Variants in CHRM3 observed in about 807,000 individuals in gnomAD.
The protein encoded by CHRM3 is cholinergic receptor muscarinic 3, also known as muscarinic acetylcholine receptor M3.
In CHRM3, 11 loss-of-function variants were observed where a neutral mutation model predicts 41.8. That is an observed-to-expected ratio of 0.26 (90% CI 0.17 to 0.44). The LOEUF (loss-of-function observed/expected upper bound fraction) is 0.44. Ranked by LOEUF, CHRM3 falls within the 20% of genes least tolerant of loss-of-function variation. CHRM3 has a pLI of 1.00. For missense variants in CHRM3, 571 were observed against 745.4 expected (o/e 0.77, Z 2.72); for synonymous variants, 297 against 301.4 (o/e 0.99, Z 0.15).
chr1:239,879,577 T>C (rs1388891026), intron 6 of CHRM3, among the ~76,000 whole-genome samples: 1 of 152,148 alleles, frequency 6.6e-6, no homozygotes, highest in Non-Finnish European at 1.5e-5. Context: ...AACATCAGGC[T>C]CCCGGGTGAA....
At chr1:239,490,144 A>T (rs1337745510) in intron 1 of CHRM3, among the ~76,000 whole-genome samples, 2 of 152,238 alleles carry the variant, frequency 1.3e-5, no homozygotes, top group African/African-American at 4.8e-5. Context: ...CAATAATGTT[A>T]GCTAAAAGTA....
chr1:239,448,593 A>G (rs1664320990), intron 1 of CHRM3, among the ~76,000 whole-genome samples: 1 of 152,186 alleles, frequency 6.6e-6, no homozygotes, highest in Non-Finnish European at 1.5e-5. Context: ...TTTATCTCAT[A>G]TGAGAAAAGG....
rs182693377 is a variant in CHRM3 at position 239,547,532 on chromosome 1, T to A, written c.-313+1783T>A. 9.2e-5 allele frequency among the ~76,000 whole-genome samples: 14 copies of A among 152,270 alleles called. No homozygotes were observed. In the South Asian group the frequency reaches 2.7e-3, roughly 29 times the overall value. On this transcript the variant is annotated intron_variant, in intron 3 of 6. Coordinates refer to ENST00000676153, the MANE Select transcript of CHRM3 (RefSeq NM_001375978.1). ...CAAAGTCATTTATTAATTGTGAAGT[T>A]TTCAAAAACCTCAGTTTCTGAGAAA...
chr1:239,512,496 T>C (rs1668989524), intron 2 of CHRM3, among the ~76,000 whole-genome samples: 1 of 152,200 alleles, frequency 6.6e-6, no homozygotes, highest in African/African-American at 2.4e-5. Flanking sequence ...ACTCTACCAC[T>C]GTTTGCCAAG....
intron 4 of CHRM3, among the ~76,000 whole-genome samples, chr1:239,674,709 CA>C (rs34078965): frequency 1.2e-3 from 111 of 92,766 alleles, no homozygotes; most frequent in Middle Eastern, 5.3e-3. Context: ...GACTCCATCT[CA>C]AAAAAAAAAA....
chr1:239,643,383 G>A (rs571025967), intron 4 of CHRM3, among the ~76,000 whole-genome samples: 1 of 152,322 alleles, frequency 6.6e-6, no homozygotes, highest in African/African-American at 2.4e-5. Flanking sequence ...GGAGCCTACA[G>A]AGGCAGGCAG....
intron 1 of CHRM3, among the ~76,000 whole-genome samples, chr1:239,443,743 A>G (rs559622885): frequency 6.6e-6 from 1 of 152,334 alleles, no homozygotes; most frequent in East Asian, 1.9e-4. Flanking sequence ...GAAAATCTTA[A>G]GAGAAATACT....
intron 2 of CHRM3, among the ~76,000 whole-genome samples, chr1:239,533,283 G>T (rs891643220): frequency 2.0e-5 from 3 of 152,104 alleles, no homozygotes; most frequent in African/African-American, 7.2e-5. Flanking sequence ...AGAAATACCC[G>T]AGAGTGGGTA....
At chr1:239,586,587 T>G (rs1298399828) in intron 3 of CHRM3, among the ~76,000 whole-genome samples, 1 of 152,230 alleles carries the variant, frequency 6.6e-6, no homozygotes, top group Non-Finnish European at 1.5e-5. Context: ...AATTTATTTT[T>G]AAAGTACTCA....
At position 239,670,771 on chromosome 1, in the gene CHRM3, AC is replaced by A. The variant is rs3063600; in HGVS notation, c.-249-7407del. ...TCGAACTCCCAACCTCAGGTGATCT[AC>A]CCCCCCCACCTCAGTTTCCCAAAGT... is the stretch of plus-strand genomic sequence containing the variant. On this transcript the variant is annotated intron_variant, in intron 4 of 6. Coordinates refer to ENST00000676153, the MANE Select transcript of CHRM3 (RefSeq NM_001375978.1). 2.2e-4 allele frequency among the ~76,000 whole-genome samples: 33 copies of A among 150,432 alleles called. 1 individual carries two copies. Among genetic ancestry groups the A allele is most frequent in the African/African-American group, 5.4e-4 (22 of 40,726 alleles).
rs541457880 is a variant in CHRM3, at chr1:239,618,610, C to A, written c.-312-13614C>A. 2.8e-3 allele frequency among the ~76,000 whole-genome samples: 422 copies of A among 151,640 alleles called. 4 individuals carry two copies. The highest frequency in any genetic ancestry group is 9.7e-3 in the African/African-American group (401 of 41,402). ...CTGTAATCCCAGCACTTTGGGAGGC[C>A]AAGGCGGTCGGATCACGAGGTCAGG... is the stretch of plus-strand genomic sequence containing the variant. On this transcript the variant is annotated intron_variant, in intron 3 of 6. Coordinates refer to ENST00000676153, the MANE Select transcript of CHRM3 (RefSeq NM_001375978.1).
chr1:239,452,484 G>A (rs1238424250), intron 1 of CHRM3, among the ~76,000 whole-genome samples: 1 of 152,118 alleles, frequency 6.6e-6, no homozygotes, highest in East Asian at 1.9e-4. Flanking sequence ...AATAACCATC[G>A]AGCAGGATTC....
At chr1:239,740,700 C>G (rs912219844) in intron 5 of CHRM3, among the ~76,000 whole-genome samples, 1 of 151,684 alleles carries the variant, frequency 6.6e-6, no homozygotes, top group African/African-American at 2.4e-5. Context: ...TTTATGTGGC[C>G]AATAAACATG....
intron 6 of CHRM3, among the ~76,000 whole-genome samples, chr1:239,880,787 G>A (rs545913311): frequency 8.7e-4 from 132 of 152,216 alleles, no homozygotes; most frequent in Middle Eastern, 6.8e-3. Context: ...GTGAGCCACC[G>A]TGCCCAGCCA....
intron 5 of CHRM3, among the ~76,000 whole-genome samples, chr1:239,693,417 C>G (rs1486470257): frequency 6.6e-6 from 1 of 152,012 alleles, no homozygotes; most frequent in African/African-American, 2.4e-5. Context: ...ATTCTGCAAG[C>G]CAAGGAAGAG....
chr1:239,896,621 AT>A lies in CHRM3; in HGVS notation c.-19-10807del, dbSNP rs543018849. ...GTTTTCCTGAGAAACACAACTCTAC[AT>A]TTTTCTGGGTCTGTATGATCTCCCT... On this transcript the variant is annotated intron_variant, in intron 6 of 6. Coordinates refer to ENST00000676153, the MANE Select transcript of CHRM3 (RefSeq NM_001375978.1). Among the ~76,000 whole-genome samples, 277 of 152,126 alleles carry A rather than the reference AT, an allele frequency of 1.8e-3. 2 individuals carry two copies. The highest frequency in any genetic ancestry group is 3.4e-3 in the Middle Eastern group (1 of 294).
rs1033567484 is a variant in CHRM3 at position 239,475,628 on chromosome 1, C to T, written c.-520-17081C>T. 7.2e-5 allele frequency among the ~76,000 whole-genome samples: 11 copies of T among 152,116 alleles called. No individual in the cohort carries two copies. In the South Asian group the frequency reaches 1.2e-3, roughly 17 times the overall value. ...TAAAGAAATCTGAATAAACATTGGG[C>T]TTTAGTTAATAACAATGTACCAACA... On this transcript the variant is annotated intron_variant, in intron 1 of 6. Transcript: ENST00000676153.
chr1:239,619,907 A>G (rs1244747802), intron 3 of CHRM3, among the ~76,000 whole-genome samples: 2 of 152,200 alleles, frequency 1.3e-5, no homozygotes, highest in Non-Finnish European at 2.9e-5. Context: ...GGTTGCTGAA[A>G]GGTTACCTGA....
At position 239,834,148 on chromosome 1, in the gene CHRM3, T is replaced by TCACACACACACA. The variant is rs34990180; in HGVS notation, c.-20+6800_-20+6811dup. ...CCCCTTCTGGCTGTATAATTCCACA[T>TCACACACACACA]CACACACACACACACACACACACAC... On this transcript the variant is annotated intron_variant, in intron 6 of 6. Transcript: ENST00000676153. Among the ~76,000 whole-genome samples, 880 of 135,302 alleles carry TCACACACACACA rather than the reference T, an allele frequency of 6.5e-3. 5 individuals carry two copies. Among genetic ancestry groups the TCACACACACACA allele is most frequent in the East Asian group, 9.2e-3 (41 of 4,480 alleles). The allele number at this position is 135,302 out of a possible 152,430, so 88.8% of individuals were successfully genotyped here.
Sources: gnomAD v4.1 joint callset for allele counts (sites outside exome capture counted in the v4.1 genomes callset) on GRCh38, gnomAD v4.1.1 for gene constraint, MANE v1.5 for transcripts, NCBI Gene and HGNC (gene_info 2026-07-23, HGNC 2026-07-21) for gene names.